Variants in MICAL2 observed in about 807,000 individuals in gnomAD.
MICAL2 encodes microtubule associated monooxygenase, calponin and LIM domain containing 2, also known as [F-actin]-monooxygenase MICAL2.
A neutral mutation model predicts 127.3 loss-of-function variants in MICAL2; 77 were observed. The observed-to-expected ratio is 0.60, with a 90% CI of 0.50 to 0.73. MICAL2 has a LOEUF of 0.73. Ranked by LOEUF, MICAL2 falls within the 30% of genes least tolerant of loss-of-function variation. The pLI is 0.00. For synonymous variants in MICAL2, 570 were observed against 551.1 expected (o/e 1.03, Z -0.48); for missense variants, 1,351 against 1,434.4 (o/e 0.94, Z 0.94).
chr11:12,170,451 A>T (rs1013121334), intron 3 of MICAL2, among the ~76,000 whole-genome samples: 3 of 152,150 alleles, frequency 2.0e-5, no homozygotes, highest in Non-Finnish European at 4.4e-5. Context: ...CCCATCTCAA[A>T]AAAATAAAAA....
At chr11:12,220,508 C>T (rs773075795) in intron 9 of MICAL2, 50 bp downstream of exon 9, 100 of 1,582,058 alleles carry the variant, frequency 6.3e-5, no homozygotes, top group African/African-American at 2.5e-4. Context: ...ACAGATCCCA[C>T]GTTTGTATTC....
chr11:12,350,780 G>A (rs1347005370), intron 33 of MICAL2, among the ~76,000 whole-genome samples: 1 of 152,022 alleles, frequency 6.6e-6, no homozygotes, highest in Non-Finnish European at 1.5e-5. Flanking sequence ...ACCTTTATTC[G>A]TTTCCTAGGC....
chr11:12,194,935 A>G (rs1832981617), intron 3 of MICAL2, among the ~76,000 whole-genome samples: 1 of 152,228 alleles, frequency 6.6e-6, no homozygotes, highest in African/African-American at 2.4e-5. Flanking sequence ...AGTAGGAAAA[A>G]AGAGTATGTG....
intron 21 of MICAL2, among the ~76,000 whole-genome samples, chr11:12,246,106 C>T (rs1283021114): frequency 2.0e-5 from 3 of 152,250 alleles, no homozygotes; most frequent in African/African-American, 7.2e-5. Flanking sequence ...AAGAAAAGCT[C>T]CTACACTTCC....
chr11:12,246,974 T>C (rs1182555987), intron 21 of MICAL2, among the ~76,000 whole-genome samples: 2 of 152,144 alleles, frequency 1.3e-5, no homozygotes, highest in African/African-American at 4.8e-5. Flanking sequence ...GGTGGGGACC[T>C]GGAATGCTGG....
At chr11:12,240,770 T>A (rs1487481276) in intron 17 of MICAL2, among the ~76,000 whole-genome samples, 1 of 152,210 alleles carries the variant, frequency 6.6e-6, no homozygotes, top group Non-Finnish European at 1.5e-5. Flanking sequence ...TAAGGCCCTG[T>A]GTCTGAGCCA....
intron 1 of MICAL2, among the ~76,000 whole-genome samples, chr11:12,113,892 A>G (rs1465648429): frequency 6.6e-6 from 1 of 152,130 alleles, no homozygotes; most frequent in Non-Finnish European, 1.5e-5. Flanking sequence ...TTATTTATGA[A>G]CATGTCTTCT....
At chr11:12,205,180 C>A (rs113062752) in intron 4 of MICAL2, among the ~76,000 whole-genome samples, 2 of 152,136 alleles carry the variant, frequency 1.3e-5, no homozygotes, top group Non-Finnish European at 2.9e-5. Context: ...TAGGGAGAGA[C>A]GAGTGCTGAG....
At chr11:12,341,063 C>G (rs1486446295) in intron 32 of MICAL2, among the ~76,000 whole-genome samples, 1 of 152,058 alleles carries the variant, frequency 6.6e-6, no homozygotes, top group Non-Finnish European at 1.5e-5. Context: ...ACCCAGAGCT[C>G]CACATATGAA....
downstream of MICAL2, among the ~76,000 whole-genome samples, chr11:12,295,865 A>G (rs114345641): frequency 2.5e-3 from 384 of 152,232 alleles, no homozygotes; most frequent in African/African-American, 8.7e-3. Context: ...ATATATGCAT[A>G]TATTTATATT....
At chr11:12,339,030 G>C (rs958501033) in intron 32 of MICAL2, among the ~76,000 whole-genome samples, 6 of 152,148 alleles carry the variant, frequency 3.9e-5, no homozygotes, top group African/African-American at 1.4e-4. Context: ...AGTTCTCCTG[G>C]ATAATATCCT....
intron 24 of MICAL2, among the ~76,000 whole-genome samples, chr11:12,269,774 A>G (rs1021150575): frequency 6.6e-6 from 1 of 152,208 alleles, no homozygotes; most frequent in Admixed American, 6.5e-5. Context: ...AGGGCCAGCC[A>G]GGGCCCCTTG....
At chr11:12,221,867 C>T (rs192831970) in intron 10 of MICAL2, 108 bp downstream of exon 10, 2 of 769,928 alleles carry the variant, frequency 2.6e-6, no homozygotes, top group Non-Finnish European at 4.2e-6. Flanking sequence ...GCCTCTGCCT[C>T]CTCCATTCTA....
chr11:12,194,920 C>T (rs771895429), intron 3 of MICAL2, among the ~76,000 whole-genome samples: 1 of 152,208 alleles, frequency 6.6e-6, no homozygotes, highest in Non-Finnish European at 1.5e-5. Flanking sequence ...TGCAGTTATA[C>T]AGGCAGTAGG....
At chr11:12,293,909 G>A (rs779304709), downstream of MICAL2, 38 of 1,612,190 alleles carry the variant, frequency 2.4e-5, 1 homozygote, top group East Asian at 7.1e-4. Context: ...AGGGAGTACT[G>A]GAGCCAGGAA....
At chr11:12,308,317 G>C (rs1864135947) in intron 29 of MICAL2, 1 of 152,146 alleles carries the variant, frequency 6.6e-6, no homozygotes, top group Admixed American at 6.5e-5. Flanking sequence ...TTCTACCAAA[G>C]AAGCCTACTG....
intron 2 of MICAL2, among the ~76,000 whole-genome samples, chr11:12,138,701 G>T (rs1443748366): frequency 6.6e-6 from 1 of 152,208 alleles, no homozygotes; most frequent in Non-Finnish European, 1.5e-5. Flanking sequence ...GGCTGTGGGA[G>T]CCTCAAGGGC....
At chr11:12,330,415 A>G (rs1168007666) in intron 32 of MICAL2, among the ~76,000 whole-genome samples, 1 of 152,208 alleles carries the variant, frequency 6.6e-6, no homozygotes, top group Non-Finnish European at 1.5e-5. Flanking sequence ...GGTTGTGAAT[A>G]ACCAAATTTA....
At chr11:12,340,498 T>C (rs1938845421) in intron 32 of MICAL2, among the ~76,000 whole-genome samples, 1 of 152,230 alleles carries the variant, frequency 6.6e-6, no homozygotes, top group South Asian at 2.1e-4. Flanking sequence ...AAGTTGAATA[T>C]GTGCATACGC....
Sources: allele counts gnomAD v4.1 joint callset (sites outside exome capture counted in the v4.1 genomes callset), GRCh38; gene constraint gnomAD v4.1.1; transcripts MANE v1.5; gene names NCBI Gene and HGNC (gene_info 2026-07-23, HGNC 2026-07-21).